Variants in CDH4 observed in about 807,000 individuals in gnomAD.
CDH4 encodes cadherin 4.
CDH4 carries 33 observed loss-of-function variants against 86.0 expected under a neutral mutation model. That is an observed-to-expected ratio of 0.38 (90% CI 0.29 to 0.51). The LOEUF (loss-of-function observed/expected upper bound fraction) is 0.51. Ranked by LOEUF, CDH4 falls within the 20% of genes least tolerant of loss-of-function variation. The pLI is 0.86. For missense variants in CDH4, 1,114 were observed against 1,307.4 expected, an observed-to-expected ratio of 0.85 and a Z score of 2.28; for synonymous variants, 555 against 549.4, an observed-to-expected ratio of 1.01 and a Z score of -0.14.
chr20:61,701,114 G>A (rs569338849), intron 2 of CDH4, among the ~76,000 whole-genome samples: 2 of 152,094 alleles, frequency 1.3e-5, no homozygotes, highest in African/African-American at 4.8e-5. Flanking sequence ...CTCTCTCCTC[G>A]GCTTGCAGGT....
At chr20:61,259,380 C>T (rs565983435) in intron 2 of CDH4, among the ~76,000 whole-genome samples, 1 of 152,330 alleles carries the variant, frequency 6.6e-6, no homozygotes, top group Admixed American at 6.5e-5. Context: ...GGCAACTCTT[C>T]CAGGGCAGAC....
intron 2 of CDH4, among the ~76,000 whole-genome samples, chr20:61,668,639 G>A (rs1013085533): frequency 6.6e-6 from 1 of 152,210 alleles, no homozygotes; most frequent in Non-Finnish European, 1.5e-5. Context: ...AGAGACTGGG[G>A]TCAGAGAGGT....
intron 2 of CDH4, among the ~76,000 whole-genome samples, chr20:61,648,486 A>C (rs886900499): frequency 6.6e-6 from 1 of 152,186 alleles, no homozygotes; most frequent in Non-Finnish European, 1.5e-5. Context: ...AGCTCCTCAC[A>C]GGGCCAGCTC....
At chr20:61,922,041 C>G (rs1233438013) in intron 9 of CDH4, among the ~76,000 whole-genome samples, 1 of 152,184 alleles carries the variant, frequency 6.6e-6, no homozygotes, top group African/African-American at 2.4e-5. Context: ...AGAGGGTGTT[C>G]TCTTTCCTCT....
At chr20:61,841,355 C>T (rs1456780826) in intron 4 of CDH4, among the ~76,000 whole-genome samples, 3 of 152,214 alleles carry the variant, frequency 2.0e-5, no homozygotes, top group African/African-American at 4.8e-5. Context: ...CTCCCACCCC[C>T]GAGGAACAAG....
chr20:61,553,512 G>A (rs576346955), intron 2 of CDH4, among the ~76,000 whole-genome samples: 7 of 152,346 alleles, frequency 4.6e-5, no homozygotes, highest in African/African-American at 9.6e-5. Flanking sequence ...AGATAAAGAC[G>A]TGTGAACATC....
chr20:61,534,525 G>C (rs760382193), intron 2 of CDH4, among the ~76,000 whole-genome samples: 11 of 152,194 alleles, frequency 7.2e-5, no homozygotes, highest in Non-Finnish European at 1.0e-4. Flanking sequence ...CCAGCCAGCT[G>C]TCTGCAGGCA....
intron 2 of CDH4, among the ~76,000 whole-genome samples, chr20:61,636,240 T>C (rs935408304): frequency 6.6e-6 from 1 of 152,084 alleles, no homozygotes; most frequent in African/African-American, 2.4e-5. Flanking sequence ...CTTCAGACCA[T>C]GAATCGCATA....
chr20:61,539,758 A>T (rs2086025564), intron 2 of CDH4, among the ~76,000 whole-genome samples: 1 of 152,224 alleles, frequency 6.6e-6, no homozygotes, highest in Non-Finnish European at 1.5e-5. Flanking sequence ...CTGCTGTCAC[A>T]GGACGAGAGG....
chr20:61,840,762 G>A (rs940942813), intron 4 of CDH4, among the ~76,000 whole-genome samples: 1 of 152,178 alleles, frequency 6.6e-6, no homozygotes, highest in African/African-American at 2.4e-5. Flanking sequence ...GGATTCACTC[G>A]CACAGTATTT....
At position 61,937,018 on chromosome 20, in the gene CDH4, G is replaced by A. The variant is rs565035260; in HGVS notation, c.*75G>A. On this transcript the variant is annotated 3_prime_UTR_variant, in exon 16 of 16. Coordinates refer to ENST00000614565, the MANE Select transcript of CDH4 (RefSeq NM_001794.5). ...GGAGCAGGACTGAGCAGAGGCGGCC[G>A]GTCTTCCCGACTCCCTGCGGCTGTG... 141 of 1,308,042 alleles carry A rather than the reference G, an allele frequency of 1.1e-4. No homozygotes were observed. Among genetic ancestry groups the A allele is most frequent in the South Asian group, 1.0e-3 (66 of 65,714 alleles). 81.0% of individuals were successfully genotyped at this position (1,308,042 alleles called of 1,614,324 possible).
At chr20:61,712,555 C>T (rs181842780) in intron 2 of CDH4, among the ~76,000 whole-genome samples, 3 of 152,322 alleles carry the variant, frequency 2.0e-5, no homozygotes, top group African/African-American at 7.2e-5. Flanking sequence ...CCAACCTCTC[C>T]TCCCCTCCTT....
chr20:61,377,055 C>T lies in CDH4; in HGVS notation c.169+122118C>T, dbSNP rs938467057. Among the ~76,000 whole-genome samples the T allele has an allele frequency of 1.6e-4, 24 of 152,304 alleles. No individual in the cohort carries two copies. Among genetic ancestry groups the T allele is most frequent in the African/African-American group, 5.5e-4 (23 of 41,570 alleles). Reference sequence around the variant, plus strand: ...AGGATGATCAAAATATGAACGTGCACCCACCACCAACACGTGAGGGCGGCT... The same window carrying T: ...AGGATGATCAAAATATGAACGTGCATCCACCACCAACACGTGAGGGCGGCT... On this transcript the variant is annotated intron_variant, in intron 2 of 15. Coordinates refer to ENST00000614565, the MANE Select transcript of CDH4 (RefSeq NM_001794.5). This position sits in a 1 kb window ranked among gnomAD's most constrained non-coding sequence, Gnocchi z 4.0.
chr20:61,913,610 G>A (rs892280751), intron 9 of CDH4, among the ~76,000 whole-genome samples: 8 of 152,220 alleles, frequency 5.3e-5, no homozygotes, highest in African/African-American at 1.7e-4. Flanking sequence ...TCCCAGGAGG[G>A]CCTGGGCACC....
At position 61,873,843 on chromosome 20, in the gene CDH4, C is replaced by T. The variant is rs1220560555; in HGVS notation, c.993C>T (p.Phe331=). 6.2e-7 allele frequency: 1 copy of T among 1,614,152 alleles called. No individual in the cohort carries two copies. The highest frequency in any genetic ancestry group is 1.3e-5 in the African/African-American group (1 of 75,084). Residue 331 remains phenylalanine (F), a synonymous_variant, in exon 7 of 16, where the codon TTC becomes TTT. Transcript: ENST00000614565. Reference sequence around the variant, plus strand: ...CACAGAGCCCGTCCCAGAATATGTTCACCATCAACAGCGAGACTGGAGATA... The same window carrying T: ...CACAGAGCCCGTCCCAGAATATGTTTACCATCAACAGCGAGACTGGAGATA... ...QTPQSPSQNM[F]TINSETGDIV... is the part of the protein sequence containing the mutation.
chr20:61,801,238 G>A (rs1979815401), intron 4 of CDH4, among the ~76,000 whole-genome samples: 1 of 152,160 alleles, frequency 6.6e-6, no homozygotes, highest in Non-Finnish European at 1.5e-5. Context: ...CAGAAAGCAG[G>A]GTGGTCCCCC....
intron 2 of CDH4, among the ~76,000 whole-genome samples, chr20:61,464,504 C>A (rs1008489428): frequency 1.1e-4 from 16 of 152,300 alleles, no homozygotes; most frequent in Admixed American, 7.2e-4. Context: ...GAGGGCCCTG[C>A]CTGCTGATGG....
chr20:61,895,916 C>T (rs1044702027), intron 8 of CDH4, among the ~76,000 whole-genome samples: 7 of 152,194 alleles, frequency 4.6e-5, no homozygotes, highest in African/African-American at 1.7e-4. Context: ...CCGGGAGCCC[C>T]TCTAGAAAGG....
chr20:61,455,616 C>T (rs2085402733), intron 2 of CDH4, among the ~76,000 whole-genome samples: 1 of 152,254 alleles, frequency 6.6e-6, no homozygotes, highest in Admixed American at 6.5e-5. Context: ...TAGCCAGCCA[C>T]ATGTGGAGCT....
Sources: allele counts gnomAD v4.1 joint callset (sites outside exome capture counted in the v4.1 genomes callset), GRCh38; gene constraint gnomAD v4.1.1; non-coding constraint Gnocchi (gnomAD v3.1); transcripts MANE v1.5; gene names NCBI Gene and HGNC (gene_info 2026-07-23, HGNC 2026-07-21).